The following PDE1C variants were observed in gnomAD, a reference collection of about 807,000 sequenced individuals.
The protein encoded by PDE1C is dual specificity calcium/calmodulin-dependent 3',5'-cyclic nucleotide phosphodiesterase 1C.
In PDE1C, 62 loss-of-function variants were observed where a neutral mutation model predicts 93.1. The ratio of observed to expected loss-of-function variants is 0.67; its 90% CI spans 0.54 to 0.82. The LOEUF (loss-of-function observed/expected upper bound fraction) is 0.82, where lower values mean the gene tolerates loss of function less well. Among genes scored for constraint, PDE1C ranks in the 40% least tolerant of loss-of-function variants. The pLI is 0.00. For missense variants in PDE1C, 742 were observed against 884.6 expected (o/e 0.84, Z 2.04); for synonymous variants, 325 against 310.1 (o/e 1.05, Z -0.50).
intron 2 of PDE1C, among the ~76,000 whole-genome samples, chr7:31,929,058 C>T (rs1403467087): frequency 6.6e-6 from 1 of 150,928 alleles, no homozygotes; most frequent in East Asian, 1.9e-4. Flanking sequence ...TGCAAAGACA[C>T]ATATAGGCTC....
intron 16 of PDE1C, chr7:31,787,346 C>T (rs1784108278): frequency 6.6e-6 from 1 of 152,082 alleles, no homozygotes; most frequent in African/African-American, 2.4e-5. Flanking sequence ...GGAAGAAAGT[C>T]CATTTGAATT....
intron 16 of PDE1C, among the ~76,000 whole-genome samples, chr7:31,808,765 T>C (rs1323061231): frequency 6.6e-6 from 1 of 152,002 alleles, no homozygotes; most frequent in Admixed American, 6.6e-5. Context: ...CTTTTTATGA[T>C]GTTTAAGATG....
At chr7:31,647,253 C>G in the PDE1C span, among the ~76,000 whole-genome samples, 1 of 152,146 alleles carries the variant, frequency 6.6e-6, no homozygotes, top group Non-Finnish European at 1.5e-5. Context: ...AGAAAATTGG[C>G]TTTAAATTAG....
intron 1 of PDE1C, among the ~76,000 whole-genome samples, chr7:32,266,979 C>G (rs1264161446): frequency 6.6e-6 from 1 of 152,198 alleles, no homozygotes; most frequent in Non-Finnish European, 1.5e-5. Flanking sequence ...CCCCCTAGAC[C>G]ACCCGGCATT....
intron 1 of PDE1C, among the ~76,000 whole-genome samples, chr7:32,228,445 T>C (rs115600489): frequency 0.022 from 3,423 of 152,266 alleles, 133 homozygotes; most frequent in African/African-American, 0.076. Context: ...TATTTCCATC[T>C]TACAAATGAG....
the PDE1C span, among the ~76,000 whole-genome samples, chr7:31,689,969 T>A: frequency 6.6e-6 from 1 of 152,188 alleles, no homozygotes; most frequent in African/African-American, 2.4e-5. Flanking sequence ...GTTTCTCCCA[T>A]AGACAAGATG....
At chr7:32,203,466 C>T (rs1034080015) in intron 2 of PDE1C, among the ~76,000 whole-genome samples, 4 of 152,128 alleles carry the variant, frequency 2.6e-5, no homozygotes, top group African/African-American at 9.7e-5. Context: ...TTCCATTTCC[C>T]ATCTCTGCAG....
At chr7:31,766,597 C>T (rs1279480226) in intron 17 of PDE1C, among the ~76,000 whole-genome samples, 1 of 152,204 alleles carries the variant, frequency 6.6e-6, no homozygotes, top group Non-Finnish European at 1.5e-5. Context: ...TCTGGAAAAG[C>T]CATCCTCCAG....
At chr7:31,908,406 A>T (rs1800852477) in intron 2 of PDE1C, among the ~76,000 whole-genome samples, 1 of 152,090 alleles carries the variant, frequency 6.6e-6, no homozygotes, top group Non-Finnish European at 1.5e-5. Context: ...ACGCCCCTCC[A>T]CAGTAAGGGT....
chr7:31,696,340 TAAC>T, the PDE1C span, among the ~76,000 whole-genome samples: 19,606 of 152,046 alleles, frequency 0.13, 1,377 homozygotes, highest in East Asian at 0.23. Flanking sequence ...TTCTAAGAAA[TAAC>T]AACAGCACAT....
chr7:31,831,381 G>A (rs973882372), intron 11 of PDE1C, among the ~76,000 whole-genome samples: 3 of 152,090 alleles, frequency 2.0e-5, no homozygotes, highest in Non-Finnish European at 4.4e-5. Context: ...GCCAAATGCT[G>A]TAAATATCAG....
Position 31,823,224 on chromosome 7 carries a change from A to C in PDE1C, c.1431T>G (p.Asp477Glu). ...AGGTCTTGACACCTGATCGCTTGGCATCTGACGAGCTGATGCTATTCAAAC... is the reference window on the plus strand; with the variant it reads ...AGGTCTTGACACCTGATCGCTTGGCCTCTGACGAGCTGATGCTATTCAAAC... ...RSSLNSISSSDAKRSGVKTSG... is the reference protein window; with the variant it reads ...RSSLNSISSSEAKRSGVKTSG... Residue 477 changes from aspartate (D) to glutamate (E), a missense_variant, in exon 14 of 18, where the codon GAT becomes GAG. Coordinates refer to ENST00000396191, the MANE Select transcript of PDE1C (RefSeq NM_001191057.4). The C allele has an allele frequency of 6.2e-7, 1 of 1,611,558 alleles. No individual in the cohort carries two copies. The highest frequency in any genetic ancestry group is 8.5e-7 in the Non-Finnish European group (1 of 1,179,008).
intron 1 of PDE1C, among the ~76,000 whole-genome samples, chr7:32,370,019 G>C (rs1585129050): frequency 6.6e-6 from 1 of 152,134 alleles, no homozygotes; most frequent in Non-Finnish European, 1.5e-5. Context: ...CTACTATAAA[G>C]ATACATGCAC....
At chr7:32,094,784 A>G (rs1797662999) in intron 3 of PDE1C, among the ~76,000 whole-genome samples, 2 of 152,170 alleles carry the variant, frequency 1.3e-5, no homozygotes, top group Non-Finnish European at 2.9e-5. Context: ...GATACATAGC[A>G]TGGCACAAAG....
chr7:32,015,398 C>T (rs149521575), intron 2 of PDE1C, among the ~76,000 whole-genome samples: 4 of 152,018 alleles, frequency 2.6e-5, no homozygotes, highest in African/African-American at 4.8e-5. Context: ...ACATTGTTAA[C>T]GCCAAATGGT....
At chr7:32,139,187 G>A (rs1048738241) in intron 3 of PDE1C, among the ~76,000 whole-genome samples, 20 of 151,852 alleles carry the variant, frequency 1.3e-4, no homozygotes, top group African/African-American at 4.6e-4. Flanking sequence ...CCAGGCTGGG[G>A]CACAATGGCA....
At chr7:32,184,059 A>T (rs1485301514) in intron 2 of PDE1C, among the ~76,000 whole-genome samples, 6 of 152,236 alleles carry the variant, frequency 3.9e-5, no homozygotes, top group Non-Finnish European at 8.8e-5. Context: ...GCTCATCATC[A>T]CTGGCCATCA....
intron 12 of PDE1C, among the ~76,000 whole-genome samples, chr7:31,826,154 A>G (rs1308944763): frequency 6.6e-6 from 1 of 152,166 alleles, no homozygotes; most frequent in Non-Finnish European, 1.5e-5. Flanking sequence ...AAGGAAACTA[A>G]ATATCAACCA....
chr7:32,007,013 T>C (rs1312121426), intron 2 of PDE1C, among the ~76,000 whole-genome samples: 1 of 152,228 alleles, frequency 6.6e-6, no homozygotes, highest in Non-Finnish European at 1.5e-5. Context: ...TGCTCTTTGG[T>C]GTAATCATAG....
Sources: allele counts gnomAD v4.1 joint callset (sites outside exome capture counted in the v4.1 genomes callset), GRCh38; gene constraint gnomAD v4.1.1; transcripts MANE v1.5; gene names NCBI Gene and HGNC (gene_info 2026-07-23, HGNC 2026-07-21).